The following NOXRED1 variants were observed in gnomAD, a reference collection of about 807,000 sequenced individuals.
NOXRED1 encodes NADP dependent oxidoreductase domain containing 1.
Under a neutral mutation model 30.4 loss-of-function variants are expected in NOXRED1, and 20 were observed. The ratio of observed to expected loss-of-function variants is 0.66; its 90% CI spans 0.46 to 0.96. The LOEUF (loss-of-function observed/expected upper bound fraction) is 0.96, where lower values mean the gene tolerates loss of function less well. Ranked by LOEUF, NOXRED1 falls within the 40% of genes least tolerant of loss-of-function variation. The pLI is 0.00. For synonymous variants in NOXRED1, 155 were observed against 168.0 expected (o/e 0.92, Z 0.60); for missense variants, 374 against 428.0 (o/e 0.87, Z 1.11).
rs763041450 is a variant in NOXRED1 at position 77,407,697 on chromosome 14, T to G, written c.350-52A>C. On this transcript the variant is annotated intron_variant, in intron 2 of 5. Transcript: ENST00000380835. ...GAGCACAGTACTAAAGAGTTTGACC[T>G]GAACATCAACTATGGGGAGAGGGTG... 4.7e-6 allele frequency: 6 copies of G among 1,282,588 alleles called. No individual in the cohort carries two copies. In the Admixed American group the frequency reaches 1.1e-4, roughly 23 times the overall value. The allele number at this position is 1,282,588 out of a possible 1,614,324, so 79.5% of individuals were successfully genotyped here.
In NOXRED1 at chr14:77,413,992, C is replaced by A. The variant is rs1413161157; in HGVS notation, c.291G>T (p.Gln97His). The A allele has an allele frequency of 2.5e-6, 4 of 1,610,932 alleles. No individual in the cohort carries two copies. Among genetic ancestry groups the A allele is most frequent in the East Asian group, 2.2e-5 (1 of 44,786 alleles). The change falls in exon 2 of 6, where the codon CAG becomes CAT. Residue 97 changes from glutamine to histidine, a missense_variant. Transcript: ENST00000380835. The stretch of plus-strand genomic sequence containing the variant: ...GGCTTTCAGCAGGGATGGGGCCAAG[C>A]TGCAGCAGTGTGCCAGCCAGCTGCT... ...LGKQLAGTLL[Q>H]LGPIPAESLR...
Position 77,423,013 on chromosome 14 carries a change from T to C in NOXRED1, c.-124A>G, listed in dbSNP as rs1895042716. ...TGTGTGCCCAGGTCACAAGCACTCATGATGATGGGCTTCAGCACCTCTCTA... is the reference window on the plus strand; with the variant it reads ...TGTGTGCCCAGGTCACAAGCACTCACGATGATGGGCTTCAGCACCTCTCTA... On this transcript the variant is annotated 5_prime_UTR_variant, in exon 1 of 6. The change abolishes an upstream ATG in the 5' untranslated region. Transcript: ENST00000380835. 2.7e-6 allele frequency: 2 copies of C among 748,894 alleles called. No individual in the cohort carries two copies. Among genetic ancestry groups the C allele is most frequent in the East Asian group, 2.5e-5 (1 of 39,566 alleles). The allele number at this position is 748,894 out of a possible 1,614,324, so 46.4% of individuals were successfully genotyped here.
At chr14:77,420,379 T>TG (rs200373687) in intron 1 of NOXRED1, among the ~76,000 whole-genome samples, 4,409 of 135,822 alleles carry the variant, frequency 0.032, 204 homozygotes, top group African/African-American at 0.1. Flanking sequence ...TTTTTTTTTG[T>TG]TTTGTTTTGT....
chr14:77,411,681 GT>G, intron 2 of NOXRED1, among the ~76,000 whole-genome samples: 1 of 152,286 alleles, frequency 6.6e-6, no homozygotes, highest in East Asian at 1.9e-4. Context: ...CCAAAGACAA[GT>G]GGCAACTTTT....
At chr14:77,416,570 A>G (rs918643083) in intron 1 of NOXRED1, among the ~76,000 whole-genome samples, 4 of 152,254 alleles carry the variant, frequency 2.6e-5, no homozygotes, top group African/African-American at 9.6e-5. Context: ...TTCTTAGTAC[A>G]GAACAAAATG....
intron 1 of NOXRED1, among the ~76,000 whole-genome samples, chr14:77,416,840 C>G (rs1234159181): frequency 6.7e-6 from 1 of 150,182 alleles, no homozygotes; most frequent in Non-Finnish European, 1.5e-5. Context: ...GGCTGACCCC[C>G]CCACCTCCCT....
At chr14:77,398,837 C>T (rs890973926) in intron 5 of NOXRED1, among the ~76,000 whole-genome samples, 1 of 151,830 alleles carries the variant, frequency 6.6e-6, no homozygotes, top group Non-Finnish European at 1.5e-5. Flanking sequence ...GGTGTGGTGG[C>T]GGGCACCTGT....
intron 4 of NOXRED1, 24 bp downstream of exon 4, chr14:77,406,700 G>A: frequency 6.2e-7 from 1 of 1,611,090 alleles, no homozygotes; most frequent in Non-Finnish European, 8.5e-7. Context: ...TCAAAAGAAT[G>A]CCAGAAATAT....
At chr14:77,423,868 T>A (rs773560312), upstream of NOXRED1, among the ~76,000 whole-genome samples, 1 of 152,200 alleles carries the variant, frequency 6.6e-6, no homozygotes, top group East Asian at 1.9e-4. Flanking sequence ...AAATTAGCCA[T>A]TTTAAAGTGA....
chr14:77,412,146 A>G (rs1448870063), intron 2 of NOXRED1, among the ~76,000 whole-genome samples: 1 of 151,814 alleles, frequency 6.6e-6, no homozygotes, highest in Non-Finnish European at 1.5e-5. Context: ...AGCTGTACCA[A>G]TTCTTTGGCC....
At chr14:77,396,493 C>A (rs563373884) in intron 5 of NOXRED1, among the ~76,000 whole-genome samples, 41 of 152,270 alleles carry the variant, frequency 2.7e-4, no homozygotes, top group African/African-American at 8.7e-4. Context: ...AGGTGATTCA[C>A]CTGCCTCGGC....
intron 2 of NOXRED1, among the ~76,000 whole-genome samples, chr14:77,412,830 C>A (rs765399176): frequency 1.3e-5 from 2 of 150,972 alleles, no homozygotes; most frequent in Admixed American, 6.6e-5. Context: ...TTAAACGATA[C>A]GAGAATATGC....
chr14:77,418,552 C>T (rs1032549754), intron 1 of NOXRED1, among the ~76,000 whole-genome samples: 2 of 151,886 alleles, frequency 1.3e-5, no homozygotes, highest in African/African-American at 2.4e-5. Context: ...ATTTATGAGA[C>T]AGGGTCTCGC....
At chr14:77,422,370 G>C (rs1203018659) in intron 1 of NOXRED1, among the ~76,000 whole-genome samples, 2 of 152,174 alleles carry the variant, frequency 1.3e-5, no homozygotes, top group African/African-American at 4.8e-5. Context: ...AGCCCCAAAA[G>C]AAAGAACTGA....
At chr14:77,424,906 T>C (rs149032396), upstream of NOXRED1, among the ~76,000 whole-genome samples, 216 of 152,292 alleles carry the variant, frequency 1.4e-3, 1 homozygote, top group African/African-American at 5.0e-3. Flanking sequence ...GGGAAGTACT[T>C]TTGTAGTTCA....
rs1459876785 is a variant in NOXRED1, at chr14:77,394,523, GCAAACA to G, written c.*102_*107del. The G allele has an allele frequency of 3.6e-5, 27 of 750,818 alleles. No individual in the cohort carries two copies. The highest frequency in any genetic ancestry group is 5.7e-5 in the Non-Finnish European group (26 of 453,610). 46.5% of individuals were successfully genotyped at this position (750,818 alleles called of 1,614,324 possible). On this transcript the variant is annotated 3_prime_UTR_variant, in exon 6 of 6. Transcript: ENST00000380835. ...TATAATTCCTGATGTCTATCATGTG[GCAAACA>G]CAATACAGCCACAAGACTCCCACAG... is the stretch of plus-strand genomic sequence containing the variant.
At chr14:77,410,613 A>AATAAATAAATACATATATAC (rs1357202229) in intron 2 of NOXRED1, among the ~76,000 whole-genome samples, 2 of 152,288 alleles carry the variant, frequency 1.3e-5, no homozygotes, top group African/African-American at 4.8e-5. Flanking sequence ...TCCATCTCAA[A>AATAAATAAATACATATATAC]ATAAATAAAT....
intron 2 of NOXRED1, among the ~76,000 whole-genome samples, chr14:77,407,936 C>T (rs1048369726): frequency 6.7e-6 from 1 of 148,236 alleles, no homozygotes. Context: ...AGCGTAATCT[C>T]GGCTCACTGC....
intron 1 of NOXRED1, among the ~76,000 whole-genome samples, chr14:77,417,698 G>C (rs1894867315): frequency 3.3e-5 from 5 of 150,816 alleles, no homozygotes; most frequent in Admixed American, 3.3e-4. Context: ...CAAGATATAC[G>C]TTGGATCTTG....
Sources: gnomAD v4.1 joint callset for allele counts (sites outside exome capture counted in the v4.1 genomes callset) on GRCh38, gnomAD v4.1.1 for gene constraint, MANE v1.5 for transcripts, NCBI Gene and HGNC (gene_info 2026-07-23, HGNC 2026-07-21) for gene names.